The following ZNF18 variants were observed in gnomAD, a reference collection of about 807,000 sequenced individuals.
The protein encoded by ZNF18 is zinc finger protein 18.
In ZNF18, 42 loss-of-function variants were observed where a neutral mutation model predicts 58.1. The ratio of observed to expected loss-of-function variants is 0.72; its 90% confidence interval spans 0.56 to 0.93. The LOEUF (loss-of-function observed/expected upper bound fraction) is 0.93. ZNF18 is among the 40% of genes least tolerant of loss of function. The pLI is 0.00. For synonymous variants in ZNF18, 231 were observed against 239.8 expected, an observed-to-expected ratio of 0.96 and a Z score of 0.34; for missense variants, 540 against 644.2, an observed-to-expected ratio of 0.84 and a Z score of 1.75.
At position 11,978,120 on chromosome 17, in the gene ZNF18, A is replaced by G; in HGVS notation, c.1487T>C (p.Ile496Thr). ...HTGEKPYKCP[I>T]CEKSFIQRSN... ...TCTCTGAATGAAACTTTTCTCACAG[A>G]TAGGACATTTATAGGGTTTCTCTCC... The change falls in exon 7 of 7, where the codon ATC becomes ACC. Residue 496 changes from isoleucine to threonine, a missense_variant. Transcript: ENST00000580306. 3 of 1,613,512 alleles carry G rather than the reference A, an allele frequency of 1.9e-6. No individual in the cohort carries two copies. The highest frequency in any genetic ancestry group is 1.1e-5 in the South Asian group (1 of 91,000).
At chr17:12,020,885 C>T in the ZNF18 span, 3 of 1,196,326 alleles carry the variant, frequency 2.5e-6, no homozygotes, top group East Asian at 6.6e-5. Flanking sequence ...TCACTCCCAA[C>T]AATGGCGGCT....
chr17:12,009,822 C>G, the ZNF18 span, among the ~76,000 whole-genome samples: 2 of 152,148 alleles, frequency 1.3e-5, no homozygotes, highest in African/African-American at 4.8e-5. Context: ...AACAAATACC[C>G]TAACTTTGCT....
At chr17:11,980,281 G>C (rs1967253211) in intron 6 of ZNF18, among the ~76,000 whole-genome samples, 1 of 152,162 alleles carries the variant, frequency 6.6e-6, no homozygotes, top group Non-Finnish European at 1.5e-5. Flanking sequence ...GTTATGAAAG[G>C]ATGAATCTTT....
the ZNF18 span, chr17:12,021,235 T>A: frequency 6.8e-6 from 2 of 292,816 alleles, no homozygotes; most frequent in Non-Finnish European, 1.3e-5. Flanking sequence ...GCTTGGCCCC[T>A]GGGCCCTACC....
At chr17:12,020,921 C>CCGGGGG in the ZNF18 span, 2 of 1,216,216 alleles carry the variant, frequency 1.6e-6, no homozygotes, top group Non-Finnish European at 2.0e-6. Flanking sequence ...GGCGGCGGCT[C>CCGGGGG]CGGGGGCGGC....
rs1967081300 is a variant in ZNF18 at position 11,977,727 on chromosome 17, C to T, written c.*230G>A. The stretch of plus-strand genomic sequence containing the variant: ...GGTCCAAAGGAAGGATGAGTGGAAA[C>T]ATGAAGACTATTCTTTCTCCTGAGG... On this transcript the variant is annotated 3_prime_UTR_variant, in exon 7 of 7. Coordinates refer to ENST00000580306, the MANE Select transcript of ZNF18 (RefSeq NM_001303281.2). The T allele has an allele frequency of 4.1e-6, 2 of 488,756 alleles. No homozygotes were observed. Among genetic ancestry groups the T allele is most frequent in the East Asian group, 6.6e-5 (2 of 30,176 alleles). 30.3% of individuals were successfully genotyped at this position (488,756 alleles called of 1,614,324 possible).
At chr17:12,008,161 A>T in the ZNF18 span, among the ~76,000 whole-genome samples, 4 of 152,204 alleles carry the variant, frequency 2.6e-5, no homozygotes, top group African/African-American at 9.7e-5. Flanking sequence ...CAAGGAATGC[A>T]TTCATTTAAG....
At chr17:12,020,920 T>C in the ZNF18 span, 1 of 1,183,896 alleles carries the variant, frequency 8.4e-7, no homozygotes, top group Non-Finnish European at 1.0e-6. Context: ...CGGCGGCGGC[T>C]CCGGGGGCGG....
At chr17:12,015,319 C>T in the ZNF18 span, among the ~76,000 whole-genome samples, 1 of 152,136 alleles carries the variant, frequency 6.6e-6, no homozygotes, top group Non-Finnish European at 1.5e-5. Flanking sequence ...GCATGTGAGG[C>T]CCTTTCTTGG....
Position 11,992,528 on chromosome 17 carries a change from ACCCACATCTGGATCT to A in ZNF18, c.287_301del (p.Glu96_Trp100del). The stretch of plus-strand genomic sequence containing the variant: ...TCCACTTCCTGGACACTGTTTCCGC[ACCCACATCTGGATCT>A]CCCCAGGCAGGATGGTCAGAAACTG... On this transcript the variant is annotated inframe_deletion, in exon 2 of 7. Coordinates refer to ENST00000580306, the MANE Select transcript of ZNF18 (RefSeq NM_001303281.2). 6.2e-7 allele frequency: 1 copy of A among 1,614,176 alleles called. No individual in the cohort carries two copies. The highest frequency in any genetic ancestry group is 8.5e-7 in the Non-Finnish European group (1 of 1,180,028).
upstream of ZNF18, among the ~76,000 whole-genome samples, chr17:12,000,843 G>A (rs978787125): frequency 1.2e-4 from 19 of 152,218 alleles, no homozygotes; most frequent in Non-Finnish European, 1.6e-4. Flanking sequence ...CCTTATAAGA[G>A]TGGTTGGGAG....
intron 3 of ZNF18, 108 bp downstream of exon 3, chr17:11,990,866 C>T (rs1463796096): frequency 7.8e-7 from 1 of 1,281,410 alleles, no homozygotes; most frequent in Non-Finnish European, 1.1e-6. Flanking sequence ...GTTTGCAAAC[C>T]TCTCAGGGAT....
chr17:12,004,565 A>C, the ZNF18 span, among the ~76,000 whole-genome samples: 1 of 152,140 alleles, frequency 6.6e-6, no homozygotes, highest in Non-Finnish European at 1.5e-5. Context: ...CAAGCAAAAT[A>C]ATTTCAAATA....
intron 5 of ZNF18, 100 bp downstream of exon 5, chr17:11,984,013 C>T (rs146393971): frequency 2.3e-5 from 25 of 1,087,606 alleles, no homozygotes; most frequent in South Asian, 1.4e-4. Flanking sequence ...TTTCACCTGG[C>T]GATTTTCAGT....
chr17:11,999,028 C>T (rs1356065672), upstream of ZNF18, among the ~76,000 whole-genome samples: 1 of 152,050 alleles, frequency 6.6e-6, no homozygotes, highest in Admixed American at 6.6e-5. Context: ...TTCCTGAGGA[C>T]AGCATGGCTA....
the ZNF18 span, among the ~76,000 whole-genome samples, chr17:12,016,110 TTTC>T: frequency 6.6e-6 from 1 of 152,116 alleles, no homozygotes; most frequent in African/African-American, 2.4e-5. Context: ...TTTACAGGTT[TTTC>T]TTTTGATGTA....
At chr17:12,011,087 A>C in the ZNF18 span, 1 of 717,366 alleles carries the variant, frequency 1.4e-6, no homozygotes, top group East Asian at 2.5e-5. Flanking sequence ...TTTGAACAGT[A>C]CTCATTCCCT....
chr17:11,988,040 T>C (rs961713574), intron 4 of ZNF18, among the ~76,000 whole-genome samples: 3 of 152,200 alleles, frequency 2.0e-5, no homozygotes, highest in African/African-American at 7.2e-5. Context: ...AAATGATGTT[T>C]TAATTAAGAT....
chr17:12,008,236 A>G, the ZNF18 span, among the ~76,000 whole-genome samples: 1 of 152,212 alleles, frequency 6.6e-6, no homozygotes, highest in African/African-American at 2.4e-5. Context: ...TCCAACCAGA[A>G]GTTGGAAACT....
Sources: gnomAD v4.1 joint callset for allele counts (sites outside exome capture counted in the v4.1 genomes callset) on GRCh38, gnomAD v4.1.1 for gene constraint, MANE v1.5 for transcripts, NCBI Gene and HGNC (gene_info 2026-07-23, HGNC 2026-07-21) for gene names.